RAPGEF6: variants seen among roughly 807,000 people sequenced by gnomAD.
RAPGEF6 encodes PDZ domain containing guanine nucleotide exchange factor (GEF) 2.
RAPGEF6 carries 56 observed loss-of-function variants against 171.4 expected under a neutral mutation model. That is an observed-to-expected ratio of 0.33 (90% CI 0.26 to 0.41). The LOEUF (loss-of-function observed/expected upper bound fraction) is 0.41. Among genes scored for constraint, RAPGEF6 ranks in the 10% least tolerant of loss-of-function variants. The probability of loss-of-function intolerance (pLI) is 1.00; values close to 1 mark genes in which losing one functional copy is unlikely to be tolerated. For missense variants in RAPGEF6, 1,674 were observed against 1,921.4 expected (o/e 0.87, Z 2.41); for synonymous variants, 692 against 650.1 (o/e 1.06, Z -0.98).
chr5:131,471,955 C>T (rs1754769495), intron 17 of RAPGEF6: 1 of 152,502 alleles, frequency 6.6e-6, no homozygotes, highest in South Asian at 2.1e-4. Flanking sequence ...TATTCTTTTC[C>T]ACACCCTGGG....
intron 1 of RAPGEF6, among the ~76,000 whole-genome samples, chr5:131,630,965 T>C (rs1766267381): frequency 6.6e-6 from 1 of 152,184 alleles, no homozygotes; most frequent in African/African-American, 2.4e-5. Flanking sequence ...GCTTATTAAT[T>C]TGGCTTCTAG....
At chr5:131,536,076 A>G (rs1048192005) in intron 6 of RAPGEF6, among the ~76,000 whole-genome samples, 1 of 152,214 alleles carries the variant, frequency 6.6e-6, no homozygotes, top group South Asian at 2.1e-4. Flanking sequence ...GTCAAACGCC[A>G]AAGAAGTTAA....
At chr5:131,503,360 T>A (rs976038609) in intron 11 of RAPGEF6, among the ~76,000 whole-genome samples, 3 of 152,176 alleles carry the variant, frequency 2.0e-5, no homozygotes, top group African/African-American at 7.2e-5. Context: ...TGAAATTATT[T>A]AGAAATAAAT....
chr5:131,537,728 G>A (rs1468230522), intron 6 of RAPGEF6, among the ~76,000 whole-genome samples: 1 of 152,158 alleles, frequency 6.6e-6, no homozygotes, highest in Non-Finnish European at 1.5e-5. Context: ...AGCCCTCTGT[G>A]TCCATGGGTT....
At chr5:131,607,952 C>T (rs140023039) in intron 1 of RAPGEF6, among the ~76,000 whole-genome samples, 6 of 152,132 alleles carry the variant, frequency 3.9e-5, no homozygotes, top group Non-Finnish European at 7.4e-5. Context: ...ATAGGACATC[C>T]GGAAATATCT....
intron 4 of RAPGEF6, among the ~76,000 whole-genome samples, chr5:131,570,101 A>G (rs980855669): frequency 6.6e-6 from 1 of 151,096 alleles, no homozygotes; most frequent in Non-Finnish European, 1.5e-5. Context: ...TATGAAAACT[A>G]CATATATGAC....
Position 131,455,891 on chromosome 5 carries a change from ACT to A in RAPGEF6, c.2984_2985del (p.Lys995IlefsTer2). 6.2e-7 allele frequency: 1 copy of A among 1,613,906 alleles called. No homozygotes were observed. Among genetic ancestry groups the A allele is most frequent in the Non-Finnish European group, 8.5e-7 (1 of 1,179,808 alleles). ...DIFDPSRNMAKYRNILSSQSM... is the reference protein window; with the variant it reads ...DIFDPSRNMAXYRNILSSQSM... ...CTTTGACTACTAAGAATATTTCTATACTTTGCCATGTTTCTAGATGGATCAAA... is the reference window on the plus strand; with the variant it reads ...CTTTGACTACTAAGAATATTTCTATATTGCCATGTTTCTAGATGGATCAAA... On this transcript the variant is annotated frameshift_variant, in exon 20 of 28. Transcript: ENST00000509018. LOFTEE classifies it high-confidence loss of function.
At chr5:131,435,803 CTT>C in intron 24 of RAPGEF6, 10 of 1,363,636 alleles carry the variant, frequency 7.3e-6, no homozygotes, top group Non-Finnish European at 8.6e-6. Context: ...AGTAAAATAA[CTT>C]ATGTACAAAT....
At chr5:131,464,002 C>T in intron 18 of RAPGEF6, 39 bp downstream of exon 18, 1 of 1,523,822 alleles carries the variant, frequency 6.6e-7, no homozygotes, top group South Asian at 1.3e-5. Flanking sequence ...TTCAAAAGCA[C>T]ATCTACAAAT....
At chr5:131,581,868 A>G (rs1762985153) in intron 4 of RAPGEF6, among the ~76,000 whole-genome samples, 1 of 151,880 alleles carries the variant, frequency 6.6e-6, no homozygotes, top group South Asian at 2.1e-4. Context: ...CCTCCCCACC[A>G]ACCCTTGTGA....
intron 15 of RAPGEF6, among the ~76,000 whole-genome samples, chr5:131,488,806 T>A (rs1756096344): frequency 6.6e-6 from 1 of 152,230 alleles, no homozygotes; most frequent in South Asian, 2.1e-4. Context: ...CCCTACTTCA[T>A]AAGGACTCTT....
chr5:131,532,255 C>T (rs1759440113), intron 6 of RAPGEF6: 1 of 323,830 alleles, frequency 3.1e-6, no homozygotes, highest in East Asian at 9.1e-5. Context: ...TCATACACCA[C>T]TGCAGTGTTT....
intron 11 of RAPGEF6, among the ~76,000 whole-genome samples, chr5:131,500,482 A>G (rs981293243): frequency 2.6e-5 from 4 of 152,192 alleles, no homozygotes; most frequent in Non-Finnish European, 2.9e-5. Context: ...CAGGGTCCCT[A>G]TAGAGACTAG....
intron 3 of RAPGEF6, among the ~76,000 whole-genome samples, chr5:131,598,108 A>C: frequency 6.6e-6 from 1 of 152,222 alleles, no homozygotes; most frequent in Non-Finnish European, 1.5e-5. Context: ...AAAAAGGAAA[A>C]CAGATGATGG....
At chr5:131,631,120 C>T (rs567552826) in intron 1 of RAPGEF6, among the ~76,000 whole-genome samples, 2 of 152,286 alleles carry the variant, frequency 1.3e-5, no homozygotes, top group East Asian at 3.9e-4. Flanking sequence ...CTATTCTCTA[C>T]GTACACTCAC....
chr5:131,491,134 G>A (rs1374166780), intron 14 of RAPGEF6, among the ~76,000 whole-genome samples: 1 of 152,122 alleles, frequency 6.6e-6, no homozygotes, highest in Non-Finnish European at 1.5e-5. Context: ...CTGATTACAG[G>A]ATTCTAGCTA....
chr5:131,562,182 T>C lies in RAPGEF6; in HGVS notation c.282-135A>G, dbSNP rs73262170. 7.7e-3 allele frequency: 4,534 copies of C among 587,740 alleles called. 122 individuals are homozygous for C. The highest frequency in any genetic ancestry group is 0.069 in the African/African-American group (3,445 of 50,268). The allele number at this position is 587,740 out of a possible 1,614,324, so 36.4% of individuals were successfully genotyped here. On this transcript the variant is annotated intron_variant, in intron 4 of 27. Transcript: ENST00000509018. ...AATTCTGATCCTGTCACAATATTTA[T>C]GTTAAGATTTTCTAAAAAAGAAAGA...
chr5:131,514,213 A>G (rs571870001), intron 7 of RAPGEF6, among the ~76,000 whole-genome samples: 1 of 152,316 alleles, frequency 6.6e-6, no homozygotes, highest in African/African-American at 2.4e-5. Flanking sequence ...CTGTTCAAAA[A>G]CATGCTAAGA....
intron 1 of RAPGEF6, among the ~76,000 whole-genome samples, chr5:131,627,733 T>A (rs1037956537): frequency 9.8e-5 from 15 of 152,294 alleles, no homozygotes; most frequent in Admixed American, 2.0e-4. Context: ...TCTTTTTTTT[T>A]AAATACAAAT....
Sources: gnomAD v4.1 joint callset for allele counts (sites outside exome capture counted in the v4.1 genomes callset) on GRCh38, gnomAD v4.1.1 for gene constraint, MANE v1.5 for transcripts, NCBI Gene and HGNC (gene_info 2026-07-23, HGNC 2026-07-21) for gene names.